Variants in THSD4 observed in about 807,000 individuals in gnomAD.
THSD4 encodes thrombospondin type-1 domain-containing protein 4.
A neutral mutation model predicts 119.0 loss-of-function variants in THSD4; 69 were observed. That is an observed-to-expected ratio of 0.58 (90% CI 0.48 to 0.71). The LOEUF is 0.71. Ranked by LOEUF, THSD4 falls within the 30% of genes least tolerant of loss-of-function variation. THSD4 has a pLI of 0.00. For missense variants in THSD4, 1,393 were observed against 1,391.1 expected (o/e 1.00, Z -0.02); for synonymous variants, 524 against 540.4 (o/e 0.97, Z 0.42).
At position 71,516,804 on chromosome 15, in the gene THSD4, T is replaced by C. The variant is rs62015916; in HGVS notation, c.1152+104981T>C. Among the ~76,000 whole-genome samples the C allele has an allele frequency of 8.7e-3, 1,321 of 152,374 alleles. 7 individuals are homozygous for C. The highest frequency in any genetic ancestry group is 0.013 in the Non-Finnish European group (897 of 68,038). On this transcript the variant is annotated intron_variant, in intron 7 of 17. Transcript: ENST00000261862. ...ATGCTATCACATAGCTGTTAAAATC[T>C]TGTGTTCATTTTTTGTAGTACATAA...
At chr15:71,545,317 C>G (rs977663437) in intron 7 of THSD4, among the ~76,000 whole-genome samples, 3 of 152,102 alleles carry the variant, frequency 2.0e-5, no homozygotes, top group African/African-American at 4.8e-5. Flanking sequence ...CAAAAGATTG[C>G]AGTGGATTGA....
chr15:71,414,426 G>A (rs1040965874), intron 7 of THSD4, among the ~76,000 whole-genome samples: 1 of 152,234 alleles, frequency 6.6e-6, no homozygotes, highest in Non-Finnish European at 1.5e-5. Context: ...TTCTGATTCA[G>A]TAGGGCCTGG....
chr15:71,779,587 A>G lies in THSD4; in HGVS notation c.*2213A>G, dbSNP rs1217543409. The G allele has an allele frequency of 1.3e-5, 2 of 152,226 alleles. No individual in the cohort carries two copies. The highest frequency in any genetic ancestry group is 1.5e-5 in the Non-Finnish European group (1 of 68,022). 9.4% of individuals were successfully genotyped at this position (152,226 alleles called of 1,614,324 possible). A position where few individuals can be genotyped will look rare whatever the true frequency, so the allele number is the denominator to read the frequency against. Reference sequence around the variant, plus strand: ...ACACATGAGAGAGCGCTCTGTCCTTAAAGGGAATTCTCTGTTGAGTGGGAG... The same window carrying G: ...ACACATGAGAGAGCGCTCTGTCCTTGAAGGGAATTCTCTGTTGAGTGGGAG... On this transcript the variant is annotated 3_prime_UTR_variant, in exon 18 of 18. Transcript: ENST00000261862.
chr15:71,713,414 A>T (rs2052551490), intron 8 of THSD4, among the ~76,000 whole-genome samples: 1 of 152,170 alleles, frequency 6.6e-6, no homozygotes. Context: ...CCCTCCGCCC[A>T]CACCTATGTT....
chr15:71,541,657 A>T (rs906747179), intron 7 of THSD4, among the ~76,000 whole-genome samples: 2 of 152,202 alleles, frequency 1.3e-5, no homozygotes, highest in African/African-American at 4.8e-5. Context: ...GCTTCAGGGT[A>T]CCTCATTTTA....
At chr15:71,206,308 G>A (rs181684014) in intron 3 of THSD4, among the ~76,000 whole-genome samples, 5 of 152,186 alleles carry the variant, frequency 3.3e-5, no homozygotes, top group South Asian at 2.1e-4. Context: ...CACCGCGCCC[G>A]GCCACGTTTG....
chr15:71,166,461 G>C (rs979202166), intron 3 of THSD4, among the ~76,000 whole-genome samples: 4 of 152,198 alleles, frequency 2.6e-5, no homozygotes, highest in South Asian at 4.1e-4. Flanking sequence ...GTCCACACTG[G>C]TTTCTGGTCC....
At chr15:71,530,680 T>C (rs2048594992) in intron 7 of THSD4, among the ~76,000 whole-genome samples, 1 of 152,158 alleles carries the variant, frequency 6.6e-6, no homozygotes, top group African/African-American at 2.4e-5. Context: ...TCATCCAGTT[T>C]GCCTTGATTA....
chr15:71,556,128 TCTTC>T (rs1453460382), intron 7 of THSD4, among the ~76,000 whole-genome samples: 1 of 152,218 alleles, frequency 6.6e-6, no homozygotes, highest in Non-Finnish European at 1.5e-5. Flanking sequence ...AGACATTTGC[TCTTC>T]CTTATGAAAT....
At chr15:71,684,525 T>C (rs550278928) in intron 8 of THSD4, among the ~76,000 whole-genome samples, 29 of 152,088 alleles carry the variant, frequency 1.9e-4, no homozygotes, top group Non-Finnish European at 3.8e-4. Context: ...ATCTTTTTTT[T>C]TTTTTACCAG....
intron 15 of THSD4, among the ~76,000 whole-genome samples, chr15:71,760,187 G>T (rs1185055294): frequency 2.0e-5 from 3 of 152,300 alleles, no homozygotes; most frequent in Non-Finnish European, 4.4e-5. Flanking sequence ...CCAACAGGTG[G>T]ATGTGTGACC....
Position 71,518,546 on chromosome 15 carries a change from T to C in THSD4, c.1152+106723T>C, listed in dbSNP as rs138442963. ...TAAAGTTTTAAGGTTTATGTTATCC[T>C]CTGGATAATAATAACTATAATGATG... On this transcript the variant is annotated intron_variant, in intron 7 of 17. Coordinates refer to ENST00000261862, the MANE Select transcript of THSD4 (RefSeq NM_024817.3). Among the ~76,000 whole-genome samples the C allele has an allele frequency of 1.6e-4, 25 of 152,310 alleles. No homozygotes were observed. The East Asian group carries it at 3.7e-3, about 22-fold the overall frequency.
chr15:71,345,517 T>G (rs2140396905), intron 6 of THSD4, among the ~76,000 whole-genome samples: 1 of 152,308 alleles, frequency 6.6e-6, no homozygotes. Context: ...ACGAGAAATC[T>G]GGAGGTAGCC....
intron 7 of THSD4, among the ~76,000 whole-genome samples, chr15:71,431,184 G>T (rs2046939257): frequency 6.6e-6 from 1 of 152,234 alleles, no homozygotes; most frequent in Middle Eastern, 3.4e-3. Context: ...AAAACAAAAA[G>T]AATCAGTAAT....
chr15:71,433,356 T>A (rs764551868), intron 7 of THSD4, among the ~76,000 whole-genome samples: 4 of 151,452 alleles, frequency 2.6e-5, no homozygotes, highest in Non-Finnish European at 5.9e-5. Flanking sequence ...CTATAAATGT[T>A]TATCCCATTC....
In THSD4 at chr15:71,299,960, CAA is replaced by C. The variant is rs141320911; in HGVS notation, c.1015+43261_1015+43262del. Among the ~76,000 whole-genome samples the C allele has an allele frequency of 6.0e-3, 655 of 108,990 alleles. 6 individuals are homozygous for C. Among genetic ancestry groups the C allele is most frequent in the African/African-American group, 0.018 (447 of 25,260 alleles). 71.5% of individuals were successfully genotyped at this position (108,990 alleles called of 152,430 possible). On this transcript the variant is annotated intron_variant, in intron 6 of 17. Transcript: ENST00000261862. Reference sequence around the variant, plus strand: ...CATCATAATGAGACCCTGTCTCTACCAAAAAAAAAAAAAAAAATATATATATA... The same window carrying C: ...CATCATAATGAGACCCTGTCTCTACCAAAAAAAAAAAAAAATATATATATA...
At chr15:71,309,137 G>T (rs117283364) in intron 6 of THSD4, among the ~76,000 whole-genome samples, 2,685 of 152,262 alleles carry the variant, frequency 0.018, 38 homozygotes, top group Non-Finnish European at 0.029. Context: ...TTTCAGTAAA[G>T]ACAGGGTTCA....
chr15:71,685,359 T>G (rs74022192), intron 8 of THSD4, among the ~76,000 whole-genome samples: 445 of 152,254 alleles, frequency 2.9e-3, no homozygotes, highest in African/African-American at 0.01. Flanking sequence ...TCATATGAAT[T>G]TATTCGTTAA....
intron 3 of THSD4, among the ~76,000 whole-genome samples, chr15:71,158,082 C>T (rs1184467105): frequency 6.7e-6 from 1 of 150,068 alleles, no homozygotes; most frequent in African/African-American, 2.4e-5. Context: ...GGTGGCTGTA[C>T]TAATTTACAG....
Sources: gnomAD v4.1 joint callset for allele counts (sites outside exome capture counted in the v4.1 genomes callset) on GRCh38, gnomAD v4.1.1 for gene constraint, MANE v1.5 for transcripts, NCBI Gene and HGNC (gene_info 2026-07-23, HGNC 2026-07-21) for gene names.